The following DOK7 variants were observed in gnomAD, a reference collection of about 807,000 sequenced individuals.
The protein encoded by DOK7 is protein Dok-7.
A neutral mutation model predicts 30.7 loss-of-function variants in DOK7; 32 were observed. That is an observed-to-expected ratio of 1.04 (90% CI 0.79 to 1.40). The LOEUF is 1.40. DOK7 is among the 40% of genes most tolerant of loss of function. DOK7 has a pLI of 0.00. For synonymous variants in DOK7, 447 were observed against 324.1 expected (o/e 1.38, Z -4.07); for missense variants, 1,007 against 699.2 (o/e 1.44, Z -4.97).
chr4:3,465,790 C>T (rs1056216772), intron 2 of DOK7, among the ~76,000 whole-genome samples: 7 of 152,310 alleles, frequency 4.6e-5, no homozygotes, highest in Middle Eastern at 6.8e-3. Context: ...GTCCTCACTG[C>T]GGAATGCGTG....
rs765256353 is a variant in DOK7 at position 3,493,524 on chromosome 4, G to A, written c.*23G>A. On this transcript the variant is annotated 3_prime_UTR_variant, in exon 7 of 7. Coordinates refer to ENST00000340083, the MANE Select transcript of DOK7 (RefSeq NM_173660.5). ...TGAGAGCCGCAGATCCCGCCCCGCGGCTGCAAAGGGGCTGAATTTGCCCCC... is the reference window on the plus strand; with the variant it reads ...TGAGAGCCGCAGATCCCGCCCCGCGACTGCAAAGGGGCTGAATTTGCCCCC... 2.1e-5 allele frequency: 33 copies of A among 1,607,074 alleles called. No individual in the cohort carries two copies. The highest frequency in any genetic ancestry group is 1.1e-5 in the Non-Finnish European group (13 of 1,177,354).
chr4:3,468,637 C>A (rs1480964797), intron 2 of DOK7, among the ~76,000 whole-genome samples: 2 of 127,794 alleles, frequency 1.6e-5, no homozygotes, highest in Non-Finnish European at 3.4e-5. Flanking sequence ...TGTGTATATG[C>A]CTGTGTGTGT....
intron 2 of DOK7, 100 bp from the exon 3 acceptor site, chr4:3,473,306 C>A: frequency 1.6e-6 from 2 of 1,230,858 alleles, no homozygotes; most frequent in Non-Finnish European, 2.3e-6. Flanking sequence ...GAGGTCATGA[C>A]CCCAGCCCGG....
At chr4:3,497,713 C>T (rs1163899725), downstream of DOK7, among the ~76,000 whole-genome samples, 1 of 151,808 alleles carries the variant, frequency 6.6e-6, no homozygotes, top group Non-Finnish European at 1.5e-5. Context: ...GGGGAGGCGC[C>T]CAGGCAGGCC....
At position 3,463,493 on chromosome 4, in the gene DOK7, C is replaced by T. The variant is rs886038744; in HGVS notation, c.55-13C>T. ...GCGCGGGCGGCGGCTCACGCTCCCC[C>T]CTGTCCCCGCAGTGGAAGAGTAGGT... On this transcript the variant is annotated splice_polypyrimidine_tract_variant and intron_variant, in intron 1 of 6. Transcript: ENST00000340083. 7 of 1,510,312 alleles carry T rather than the reference C, an allele frequency of 4.6e-6. No individual in the cohort carries two copies. In the South Asian group the frequency reaches 7.3e-5, roughly 16 times the overall value. The allele number at this position is 1,510,312 out of a possible 1,614,324, so 93.6% of individuals were successfully genotyped here. A position where few individuals can be genotyped will look rare whatever the true frequency, so the allele number is the denominator to read the frequency against.
downstream of DOK7, among the ~76,000 whole-genome samples, chr4:3,498,660 C>T (rs942515377): frequency 5.3e-5 from 8 of 152,080 alleles, no homozygotes; most frequent in African/African-American, 1.9e-4. Flanking sequence ...CTCAGCCATG[C>T]CCCCTCCTCT....
chr4:3,493,594 C>T lies in DOK7; in HGVS notation c.*93C>T. 1.9e-6 allele frequency: 3 copies of T among 1,540,720 alleles called. No homozygotes were observed. The highest frequency in any genetic ancestry group is 2.6e-6 in the Non-Finnish European group (3 of 1,141,988). ...GCCAGCCTCCTTGCAGACTGGTGCT[C>T]TGTGTTCTGTGGGAGGGACCGGGGG... On this transcript the variant is annotated 3_prime_UTR_variant, in exon 7 of 7. Coordinates refer to ENST00000340083, the MANE Select transcript of DOK7 (RefSeq NM_173660.5).
intron 6 of DOK7, among the ~76,000 whole-genome samples, chr4:3,499,673 G>A: frequency 7.0e-6 from 1 of 142,354 alleles, no homozygotes; most frequent in South Asian, 2.2e-4. Flanking sequence ...GCTCCTATGA[G>A]GGGGGAGAGG....
Position 3,494,071 on chromosome 4 carries a change from C to T in DOK7, c.*570C>T, listed in dbSNP as rs543284044. ...GAAGCTCAGGAGGCTGTGTGGCTTG[C>T]GGGGTCTCTGGGTTCTGGGCCCCAC... On this transcript the variant is annotated 3_prime_UTR_variant, in exon 7 of 7. Transcript: ENST00000340083. 3.6e-4 allele frequency: 357 copies of T among 986,872 alleles called. 1 individual carries two copies. The highest frequency in any genetic ancestry group is 3.3e-3 in the African/African-American group (189 of 57,380). The allele number at this position is 986,872 out of a possible 1,614,324, so 61.1% of individuals were successfully genotyped here.
chr4:3,490,848 TCC>T (rs1290492198), intron 6 of DOK7, among the ~76,000 whole-genome samples: 1 of 83,678 alleles, frequency 1.2e-5, no homozygotes, highest in Non-Finnish European at 2.2e-5. Flanking sequence ...ATTCCTTCCT[TCC>T]CCCCCACTCA....
intron 2 of DOK7, among the ~76,000 whole-genome samples, chr4:3,466,138 C>T (rs1160778577): frequency 2.0e-5 from 3 of 150,738 alleles, no homozygotes; most frequent in African/African-American, 4.9e-5. Context: ...ACTCAGAAAC[C>T]CGAGGGATCT....
chr4:3,500,634 G>T, intron 7 of DOK7: 3 of 1,534,976 alleles, frequency 2.0e-6, no homozygotes, highest in Non-Finnish European at 2.6e-6. Flanking sequence ...TGGAGGGCAG[G>T]GTCACAGGGC....
downstream of DOK7, among the ~76,000 whole-genome samples, chr4:3,496,410 T>C (rs968099947): frequency 6.6e-6 from 1 of 152,240 alleles, no homozygotes; most frequent in African/African-American, 2.4e-5. Flanking sequence ...ACAGGCACCC[T>C]CGGAGCAGCC....
At chr4:3,500,099 G>C (rs1487009896) in intron 6 of DOK7, among the ~76,000 whole-genome samples, 1 of 151,984 alleles carries the variant, frequency 6.6e-6, no homozygotes, top group Non-Finnish European at 1.5e-5. Context: ...AAAGATGGAC[G>C]GTCAGGAACA....
Position 3,476,522 on chromosome 4 carries a change from G to A in DOK7, c.512G>A (p.Gly171Asp), listed in dbSNP as rs1286619522. The A allele has an allele frequency of 1.9e-6, 3 of 1,613,968 alleles. No homozygotes were observed. Among genetic ancestry groups the A allele is most frequent in the Non-Finnish European group, 1.7e-6 (2 of 1,180,040 alleles). Residue 171 changes from glycine (G) to aspartate (D), a missense_variant, in exon 4 of 7, where the codon GGC (glycine) becomes GAC (aspartate). By Grantham distance (94) the Gly-to-Asp change is moderately conservative. Transcript: ENST00000340083. ...GAVPSGFIFEGGTRCGYWAGV... is the reference protein window; with the variant it reads ...GAVPSGFIFEDGTRCGYWAGV... ...GTGCCAAGCGGATTCATCTTTGAAG[G>A]CGGGACCAGGTGTGGGTACTGTAAG... is the stretch of plus-strand genomic sequence containing the variant.
intron 2 of DOK7, among the ~76,000 whole-genome samples, chr4:3,471,581 C>T (rs556458971): frequency 5.2e-4 from 79 of 152,396 alleles, no homozygotes; most frequent in Middle Eastern, 3.4e-3. Flanking sequence ...CTGGGGCCCC[C>T]GTCCTGCGCG....
At chr4:3,470,581 C>G (rs1726698627) in intron 2 of DOK7, among the ~76,000 whole-genome samples, 1 of 152,194 alleles carries the variant, frequency 6.6e-6, no homozygotes, top group Non-Finnish European at 1.5e-5. Flanking sequence ...GTGGGGCCGG[C>G]TGGCTTGTGG....
rs3123331 is a variant in DOK7 at position 3,492,819 on chromosome 4, G to A, written c.833G>A (p.Ser278Asn). ...GCCAGTCACTTGGACGTCAGCGCCAGCAGCCGGCTCACCGCATGGCCAGAG... is the reference window on the plus strand; with the variant it reads ...GCCAGTCACTTGGACGTCAGCGCCAACAGCCGGCTCACCGCATGGCCAGAG... ...SEASHLDVSA[S>N]SRLTAWPEQS... is the part of the protein sequence containing the mutation. Residue 278 changes from serine to asparagine, a missense_variant, in exon 7 of 7, where the codon AGC becomes AAC. Coordinates refer to ENST00000340083, the MANE Select transcript of DOK7 (RefSeq NM_173660.5). 5 of 1,612,502 alleles carry A rather than the reference G, an allele frequency of 3.1e-6. No homozygotes were observed. Among genetic ancestry groups the A allele is most frequent in the East Asian group, 2.2e-5 (1 of 44,888 alleles).
In DOK7 at chr4:3,493,482, A is replaced by G. The variant is rs865879271; in HGVS notation, c.1496A>G (p.Lys499Arg). Residue 499 changes from lysine (K) to arginine (R), a missense_variant, in exon 7 of 7, where the codon AAG (lysine) becomes AGG (arginine). By Grantham distance (26) the Lys-to-Arg change is conservative (BLOSUM62 2). Coordinates refer to ENST00000340083, the MANE Select transcript of DOK7 (RefSeq NM_173660.5). ...FSACPVCGGL[K>R]VNPPP The stretch of plus-strand genomic sequence containing the variant: ...GCATGTCCAGTCTGTGGAGGACTCA[A>G]GGTAAACCCCCCTCCTTGAGAGCCG... 6.2e-6 allele frequency: 10 copies of G among 1,611,200 alleles called. No homozygotes were observed. The highest frequency in any genetic ancestry group is 1.7e-4 in the Middle Eastern group (1 of 6,036).
Sources: allele counts gnomAD v4.1 joint callset (sites outside exome capture counted in the v4.1 genomes callset), GRCh38; gene constraint gnomAD v4.1.1; transcripts MANE v1.5; gene names NCBI Gene and HGNC (gene_info 2026-07-23, HGNC 2026-07-21).